Variants in KDM4C observed in about 807,000 individuals in gnomAD.
KDM4C encodes lysine-specific demethylase 4C.
A neutral mutation model predicts 129.3 loss-of-function variants in KDM4C; 81 were observed. The ratio of observed to expected loss-of-function variants is 0.63; its 90% CI spans 0.52 to 0.75. The LOEUF (loss-of-function observed/expected upper bound fraction) is 0.75. Among genes scored for constraint, KDM4C ranks in the 30% least tolerant of loss-of-function variants. KDM4C has a pLI of 0.00. For synonymous variants in KDM4C, 573 were observed against 456.1 expected (o/e 1.26, Z -3.26); for missense variants, 1,457 against 1,304.0 (o/e 1.12, Z -1.81).
chr9:7,014,536 A>G (rs890401176), intron 14 of KDM4C, among the ~76,000 whole-genome samples: 1 of 152,112 alleles, frequency 6.6e-6, no homozygotes, highest in African/African-American at 2.4e-5. Context: ...ATCTCAATTT[A>G]TTATTTTTAA....
intron 8 of KDM4C, among the ~76,000 whole-genome samples, chr9:6,912,126 A>C (rs749163626): frequency 2.0e-5 from 3 of 152,152 alleles, no homozygotes; most frequent in Non-Finnish European, 4.4e-5. Flanking sequence ...AGAGCCAGGG[A>C]GGGGCCTTCA....
chr9:7,071,032 G>A (rs1012761159), intron 17 of KDM4C, among the ~76,000 whole-genome samples: 12 of 152,116 alleles, frequency 7.9e-5, no homozygotes, highest in Admixed American at 7.9e-4. Flanking sequence ...TGCTAGCAAT[G>A]AAAAATTTGA....
At chr9:6,950,640 C>G (rs1161364682) in intron 8 of KDM4C, among the ~76,000 whole-genome samples, 1 of 152,190 alleles carries the variant, frequency 6.6e-6, no homozygotes, top group Admixed American at 6.5e-5. Context: ...ACTGATTAAA[C>G]TCAAAACTAG....
intron 21 of KDM4C, among the ~76,000 whole-genome samples, chr9:7,171,409 T>C (rs1415758708): frequency 6.6e-6 from 1 of 152,226 alleles, no homozygotes; most frequent in African/African-American, 2.4e-5. Flanking sequence ...CTTTTCGAGA[T>C]GTTAGAGATA....
intron 11 of KDM4C, among the ~76,000 whole-genome samples, chr9:6,989,463 A>G (rs189389432): frequency 2.0e-4 from 31 of 152,366 alleles, no homozygotes; most frequent in African/African-American, 7.2e-4. Flanking sequence ...GTAAGGATAC[A>G]CATGACTTTC....
intron 18 of KDM4C, among the ~76,000 whole-genome samples, chr9:7,115,012 A>C (rs7858101): frequency 0.45 from 68,197 of 151,932 alleles, 15,625 homozygotes; most frequent in East Asian, 0.75. Context: ...CCAGGAGGTA[A>C]AGATTGCAGT....
Position 6,806,684 on chromosome 9 carries a change from C to G in KDM4C, c.320+910C>G, listed in dbSNP as rs546106047. ...AGCATTTAATTGTGGCTGGAAGATT[C>G]TCTTACAAGAGTGCTCCCCTTTCAT... is the stretch of plus-strand genomic sequence containing the variant. On this transcript the variant is annotated intron_variant, in intron 3 of 21. Transcript: ENST00000381309. 2.7e-4 allele frequency among the ~76,000 whole-genome samples: 41 copies of G among 152,136 alleles called. No homozygotes were observed. In the East Asian group the frequency reaches 3.5e-3, roughly 13 times the overall value.
chr9:6,943,643 C>T (rs1008159945), intron 8 of KDM4C, among the ~76,000 whole-genome samples: 1 of 151,558 alleles, frequency 6.6e-6, no homozygotes, highest in Non-Finnish European at 1.5e-5. Flanking sequence ...CCACTGCACT[C>T]CAGTCTGGGC....
chr9:7,116,288 G>T (rs1838886557), intron 18 of KDM4C, among the ~76,000 whole-genome samples: 1 of 151,924 alleles, frequency 6.6e-6, no homozygotes, highest in African/African-American at 2.4e-5. Flanking sequence ...GGAATTAGAA[G>T]AAAATGCAAA....
chr9:6,955,312 A>G (rs941221160), intron 8 of KDM4C, among the ~76,000 whole-genome samples: 1 of 152,216 alleles, frequency 6.6e-6, no homozygotes, highest in African/African-American at 2.4e-5. Context: ...TGAAATGCCC[A>G]ATGCACAGTT....
chr9:6,748,914 C>A (rs768181806), intron 1 of KDM4C: 1 of 941,298 alleles, frequency 1.1e-6, no homozygotes, highest in Non-Finnish European at 1.8e-6. Context: ...TTGTAAGTAT[C>A]TGAAGATGAG....
At chr9:7,131,176 C>A (rs888102812) in intron 19 of KDM4C, among the ~76,000 whole-genome samples, 4 of 152,126 alleles carry the variant, frequency 2.6e-5, no homozygotes, top group Non-Finnish European at 5.9e-5. Flanking sequence ...ACTGCAATAT[C>A]CTAATCTCTT....
intron 8 of KDM4C, chr9:6,924,839 A>G (rs1299581078): frequency 3.1e-6 from 3 of 983,356 alleles, no homozygotes; most frequent in Non-Finnish European, 3.6e-6. Flanking sequence ...ACATGAAAAT[A>G]AGACAGGCTG....
chr9:7,030,668 C>CTTTGATG (rs1826575300), intron 15 of KDM4C, among the ~76,000 whole-genome samples: 1 of 152,166 alleles, frequency 6.6e-6, no homozygotes, highest in East Asian at 1.9e-4. Flanking sequence ...CTTACTGTAA[C>CTTTGATG]CCTGTCTGCT....
intron 19 of KDM4C, among the ~76,000 whole-genome samples, chr9:7,138,362 T>C (rs1841422071): frequency 6.6e-6 from 1 of 152,254 alleles, no homozygotes; most frequent in Non-Finnish European, 1.5e-5. Flanking sequence ...TTTAGATGTT[T>C]TATCCAATAC....
At chr9:6,862,947 A>G (rs532872688) in intron 5 of KDM4C, among the ~76,000 whole-genome samples, 1 of 152,180 alleles carries the variant, frequency 6.6e-6, no homozygotes, top group East Asian at 1.9e-4. Flanking sequence ...GACCCCTTTA[A>G]GCCACTTTAT....
chr9:7,035,844 G>A (rs1199992750), intron 15 of KDM4C, among the ~76,000 whole-genome samples: 3 of 152,114 alleles, frequency 2.0e-5, no homozygotes, highest in African/African-American at 4.8e-5. Flanking sequence ...CTTGATGTAT[G>A]TGTCTGTTTT....
At chr9:7,057,613 T>TA (rs1471911258) in intron 17 of KDM4C, among the ~76,000 whole-genome samples, 1 of 151,360 alleles carries the variant, frequency 6.6e-6, no homozygotes, top group Admixed American at 6.6e-5. Context: ...TATTAGCTGT[T>TA]ATTCTCTTAA....
intron 8 of KDM4C, among the ~76,000 whole-genome samples, chr9:6,951,508 T>C (rs1038174215): frequency 6.6e-6 from 1 of 152,184 alleles, no homozygotes; most frequent in African/African-American, 2.4e-5. Flanking sequence ...CGGCTTTCTA[T>C]GAAAAAGAGG....
Sources: gnomAD v4.1 joint callset for allele counts (sites outside exome capture counted in the v4.1 genomes callset) on GRCh38, gnomAD v4.1.1 for gene constraint, MANE v1.5 for transcripts, NCBI Gene and HGNC (gene_info 2026-07-23, HGNC 2026-07-21) for gene names.